Variants in ADAMTS17 observed in about 807,000 individuals in gnomAD.
The protein encoded by ADAMTS17 is A disintegrin and metalloproteinase with thrombospondin motifs 17.
A neutral mutation model predicts 141.5 loss-of-function variants in ADAMTS17; 113 were observed. The ratio of observed to expected loss-of-function variants is 0.80; its 90% CI spans 0.69 to 0.93. The LOEUF (loss-of-function observed/expected upper bound fraction) is 0.93. ADAMTS17 is among the 40% of genes least tolerant of loss of function. The probability of loss-of-function intolerance (pLI) is 0.00; values close to 1 mark genes in which losing one functional copy is unlikely to be tolerated. For synonymous variants in ADAMTS17, 768 were observed against 630.6 expected (o/e 1.22, Z -3.27); for missense variants, 1,659 against 1,517.9 (o/e 1.09, Z -1.54).
rs756774513 is a variant in ADAMTS17 at position 100,254,127 on chromosome 15, T to C, written c.1075+9A>G. ...GCCCCTTAGATTATTATTTCAACTC[T>C]AAACTTACCAACAGTGTCACACGGT... On this transcript the variant is annotated intron_variant, in intron 7 of 21. Coordinates refer to ENST00000268070, the MANE Select transcript of ADAMTS17 (RefSeq NM_139057.4). The C allele has an allele frequency of 1.2e-6, 2 of 1,612,642 alleles. No individual in the cohort carries two copies. Among genetic ancestry groups the C allele is most frequent in the East Asian group, 2.2e-5 (1 of 44,876 alleles).
chr15:100,180,082 C>CA (rs1335277419), intron 8 of ADAMTS17, among the ~76,000 whole-genome samples: 1 of 152,196 alleles, frequency 6.6e-6, no homozygotes, highest in Non-Finnish European at 1.5e-5. Flanking sequence ...TGTGGGGTAT[C>CA]ACTCAAGAAA....
intron 15 of ADAMTS17, among the ~76,000 whole-genome samples, chr15:100,066,179 T>C (rs914432881): frequency 4.6e-5 from 7 of 152,206 alleles, no homozygotes; most frequent in Non-Finnish European, 7.3e-5. Flanking sequence ...AGTGCTGCAA[T>C]AAACACACGT....
chr15:100,120,130 G>C (rs1369877202), intron 12 of ADAMTS17, among the ~76,000 whole-genome samples: 1 of 152,218 alleles, frequency 6.6e-6, no homozygotes, highest in Non-Finnish European at 1.5e-5. Context: ...ATGATGTCGG[G>C]AAGAGAGCTG....
chr15:100,100,389 A>AG (rs2036022580), intron 14 of ADAMTS17, among the ~76,000 whole-genome samples: 1 of 152,060 alleles, frequency 6.6e-6, no homozygotes, highest in Non-Finnish European at 1.5e-5. Context: ...AAGAGCTCTT[A>AG]AGCCCACTTC....
At chr15:100,263,879 T>G (rs1016827292) in intron 4 of ADAMTS17, among the ~76,000 whole-genome samples, 1 of 152,242 alleles carries the variant, frequency 6.6e-6, no homozygotes, top group Non-Finnish European at 1.5e-5. Flanking sequence ...CAGCAAGCGT[T>G]AAGCACGGTA....
At chr15:100,138,458 T>C (rs895227032) in intron 10 of ADAMTS17, among the ~76,000 whole-genome samples, 4 of 152,200 alleles carry the variant, frequency 2.6e-5, no homozygotes, top group South Asian at 2.1e-4. Context: ...CTGTTGAATA[T>C]AAGAAACTGG....
At chr15:99,975,647 C>A (rs1323117504) in intron 21 of ADAMTS17, among the ~76,000 whole-genome samples, 2 of 152,182 alleles carry the variant, frequency 1.3e-5, no homozygotes, top group African/African-American at 4.8e-5. Context: ...GTCTGCTGCT[C>A]AAGCATCAGC....
At chr15:100,329,726 A>C (rs188172957) in intron 3 of ADAMTS17, among the ~76,000 whole-genome samples, 244 of 152,286 alleles carry the variant, frequency 1.6e-3, no homozygotes, top group Non-Finnish European at 2.5e-3. Flanking sequence ...GGTTTCAGAG[A>C]TGCCCTCTAT....
At chr15:100,241,084 A>C (rs2042814190) in intron 7 of ADAMTS17, among the ~76,000 whole-genome samples, 1 of 152,184 alleles carries the variant, frequency 6.6e-6, no homozygotes, top group South Asian at 2.1e-4. Flanking sequence ...TTGGTCTCCC[A>C]AAGTGCTGGG....
rs796778121 is a variant in ADAMTS17 at position 100,159,636 on chromosome 15, C to T, written c.1182-4316G>A. ...ATGAAAAAAGTGGCTCCAGCTGCCACCTCATGGTGTAACCATTGCATGTGG... is the reference window on the plus strand; with the variant it reads ...ATGAAAAAAGTGGCTCCAGCTGCCATCTCATGGTGTAACCATTGCATGTGG... On this transcript the variant is annotated intron_variant, in intron 8 of 21. Transcript: ENST00000268070. Among the ~76,000 whole-genome samples, 24 of 152,374 alleles carry T rather than the reference C, an allele frequency of 1.6e-4. 1 individual carries two copies. Among genetic ancestry groups the T allele is most frequent in the African/African-American group, 5.0e-4 (21 of 41,592 alleles).
intron 14 of ADAMTS17, among the ~76,000 whole-genome samples, chr15:100,107,774 C>T (rs1306051488): frequency 6.6e-6 from 1 of 152,136 alleles, no homozygotes; most frequent in Non-Finnish European, 1.5e-5. Context: ...TGCCTCAAGG[C>T]CTCAATCTTG....
chr15:100,117,057 A>AT (rs778501072), intron 12 of ADAMTS17, 44 bp from the exon 13 acceptor site: 36 of 1,557,542 alleles, frequency 2.3e-5, no homozygotes, highest in Admixed American at 1.7e-4. Flanking sequence ...TGGTGCGACC[A>AT]AAGGGCAGGA....
At chr15:100,182,064 T>G (rs1029795046) in intron 8 of ADAMTS17, among the ~76,000 whole-genome samples, 1 of 152,354 alleles carries the variant, frequency 6.6e-6, no homozygotes, top group South Asian at 2.1e-4. Flanking sequence ...AGCCCGGTTT[T>G]GCTTTCCACT....
At chr15:100,034,912 C>T (rs1024604307) in intron 18 of ADAMTS17, among the ~76,000 whole-genome samples, 1 of 152,188 alleles carries the variant, frequency 6.6e-6, no homozygotes, top group Non-Finnish European at 1.5e-5. Flanking sequence ...ATAAATGTTT[C>T]ATTCTATTCT....
chr15:100,031,955 A>G (rs1038024056), intron 18 of ADAMTS17, among the ~76,000 whole-genome samples: 17 of 152,188 alleles, frequency 1.1e-4, no homozygotes, highest in African/African-American at 4.1e-4. Flanking sequence ...AAAGAAAGGG[A>G]AGACTAAAGA....
chr15:100,085,888 A>C (rs892530304), intron 15 of ADAMTS17, among the ~76,000 whole-genome samples: 2 of 152,292 alleles, frequency 1.3e-5, no homozygotes, highest in Middle Eastern at 3.4e-3. Context: ...GCCACTGCAA[A>C]AACAAGCCAA....
At chr15:100,197,756 G>A (rs2041175431) in intron 8 of ADAMTS17, among the ~76,000 whole-genome samples, 1 of 152,106 alleles carries the variant, frequency 6.6e-6, no homozygotes. Flanking sequence ...AATAGGTACG[G>A]AAAGGCCAAC....
At position 100,305,641 on chromosome 15, in the gene ADAMTS17, A is replaced by C. The variant is rs189116613; in HGVS notation, c.617-24240T>G. Among the ~76,000 whole-genome samples the C allele has an allele frequency of 1.6e-4, 25 of 152,270 alleles. No individual in the cohort carries two copies. In the East Asian group the frequency reaches 4.6e-3, roughly 28 times the overall value. On this transcript the variant is annotated intron_variant, in intron 3 of 21. Transcript: ENST00000268070. The stretch of plus-strand genomic sequence containing the variant: ...CTTGCCCCAGAGACTGAGACTGTAC[A>C]TTCTGAGGACACTTAGATCTGGATC...
intron 15 of ADAMTS17, among the ~76,000 whole-genome samples, chr15:100,075,429 A>C (rs1283429675): frequency 1.3e-5 from 2 of 152,184 alleles, no homozygotes; most frequent in African/African-American, 4.8e-5. Context: ...CATTGTCCTT[A>C]TCCTTGAATG....
Sources: allele counts gnomAD v4.1 joint callset (sites outside exome capture counted in the v4.1 genomes callset), GRCh38; gene constraint gnomAD v4.1.1; transcripts MANE v1.5; gene names NCBI Gene and HGNC (gene_info 2026-07-23, HGNC 2026-07-21).